NBEAL1: variants seen among roughly 807,000 people sequenced by gnomAD.
The protein encoded by NBEAL1 is neurobeachin-like protein 1.
In NBEAL1, 273 loss-of-function variants were observed where a neutral mutation model predicts 351.3. That is an observed-to-expected ratio of 0.78 (90% CI 0.70 to 0.86). The LOEUF (loss-of-function observed/expected upper bound fraction) is 0.86, where lower values mean the gene tolerates loss of function less well. Ranked by LOEUF, NBEAL1 falls within the 40% of genes least tolerant of loss-of-function variation. The probability of loss-of-function intolerance (pLI) is 0.00; values close to 1 mark genes in which losing one functional copy is unlikely to be tolerated. For missense variants in NBEAL1, 2,961 were observed against 3,201.3 expected (o/e 0.92, Z 1.81); for synonymous variants, 1,050 against 1,086.4 (o/e 0.97, Z 0.66).
At chr2:203,156,871 C>A (rs1359810895) in intron 35 of NBEAL1, among the ~76,000 whole-genome samples, 1 of 151,942 alleles carries the variant, frequency 6.6e-6, no homozygotes, top group Middle Eastern at 3.2e-3. Context: ...TTTTTCCAAT[C>A]CTATAAATTA....
At chr2:203,211,197 T>C (rs1186243576) in intron 54 of NBEAL1, 91 bp downstream of exon 54, 3 of 991,708 alleles carry the variant, frequency 3.0e-6, no homozygotes, top group Non-Finnish European at 4.1e-6. Context: ...ATTTTTAATC[T>C]TTTGGTTTAT....
In NBEAL1 at chr2:203,220,004, A is replaced by C. The variant is rs564333994; in HGVS notation, c.*2650A>C. The C allele has an allele frequency of 1.3e-5, 2 of 152,196 alleles. No homozygotes were observed. The highest frequency in any genetic ancestry group is 2.9e-5 in the Non-Finnish European group (2 of 68,036). 9.4% of individuals were successfully genotyped at this position (152,196 alleles called of 1,614,324 possible). On this transcript the variant is annotated 3_prime_UTR_variant, in exon 56 of 56. Coordinates refer to ENST00000683969, the MANE Select transcript of NBEAL1 (RefSeq NM_001378026.1). Reference sequence around the variant, plus strand: ...ATTACTCATTTAAAGAGTATAGCCTACTGAATTAAAAATCACTAGATAAAA... The same window carrying C: ...ATTACTCATTTAAAGAGTATAGCCTCCTGAATTAAAAATCACTAGATAAAA...
chr2:203,105,876 G>C (rs2062425786), intron 12 of NBEAL1, among the ~76,000 whole-genome samples: 1 of 152,162 alleles, frequency 6.6e-6, no homozygotes, highest in South Asian at 2.1e-4. Context: ...TGGTTCATGA[G>C]TTTAAAAAAT....
intron 10 of NBEAL1, among the ~76,000 whole-genome samples, chr2:203,087,198 T>C (rs1252383543): frequency 6.6e-6 from 1 of 150,492 alleles, no homozygotes; most frequent in African/African-American, 2.4e-5. Context: ...GTTCAAGCGA[T>C]TTTCCTGCCT....
At chr2:203,163,707 C>T (rs899843593) in intron 36 of NBEAL1, among the ~76,000 whole-genome samples, 1 of 152,130 alleles carries the variant, frequency 6.6e-6, no homozygotes, top group Non-Finnish European at 1.5e-5. Context: ...TCAGGAAACA[C>T]AACTGTATAT....
chr2:203,197,956 G>A (rs1342424138), intron 48 of NBEAL1, among the ~76,000 whole-genome samples: 2 of 149,798 alleles, frequency 1.3e-5, no homozygotes, highest in African/African-American at 4.9e-5. Context: ...AATAGTAGTA[G>A]TACTTTTTGA....
chr2:203,066,498 A>G (rs1215740163), intron 6 of NBEAL1, among the ~76,000 whole-genome samples: 1 of 152,026 alleles, frequency 6.6e-6, no homozygotes, highest in African/African-American at 2.4e-5. Context: ...CACAGTAACA[A>G]TCTGATCTCT....
intron 2 of NBEAL1, among the ~76,000 whole-genome samples, chr2:203,018,373 CT>C (rs2060714993): frequency 6.6e-6 from 1 of 151,902 alleles, no homozygotes; most frequent in Non-Finnish European, 1.5e-5. Flanking sequence ...CTTCTTAGAC[CT>C]CTTTGTGAGC....
intron 7 of NBEAL1, among the ~76,000 whole-genome samples, chr2:203,076,485 AC>A (rs57056929): frequency 0.87 from 119,733 of 138,056 alleles, 52,836 homozygotes; most frequent in Non-Finnish European, 0.93. Context: ...TCAAAAACAA[AC>A]AAACAAACAA....
chr2:203,071,408 G>C (rs2061679508), intron 7 of NBEAL1, among the ~76,000 whole-genome samples: 1 of 152,050 alleles, frequency 6.6e-6, no homozygotes, highest in African/African-American at 2.4e-5. Context: ...CTAGTTTTAT[G>C]ACCTCATTTA....
Position 203,099,653 on chromosome 2 carries a change from T to G in NBEAL1, c.1210T>G (p.Leu404Val). 2 of 1,551,940 alleles carry G rather than the reference T, an allele frequency of 1.3e-6. No individual in the cohort carries two copies. The highest frequency in any genetic ancestry group is 1.7e-6 in the Non-Finnish European group (2 of 1,146,820). Residue 404 changes from leucine (L) to valine (V), a missense_variant, in exon 12 of 56, where the codon TTG becomes GTG. Leu to Val is a conservative substitution (Grantham distance 32). Coordinates refer to ENST00000683969, the MANE Select transcript of NBEAL1 (RefSeq NM_001378026.1). Reference sequence around the variant, plus strand: ...GGTGTTTCAGGGACAATTGGATTGTTTGGCCATATCAACCATTCAGGCTTT... The same window carrying G: ...GGTGTTTCAGGGACAATTGGATTGTGTGGCCATATCAACCATTCAGGCTTT... Reference protein sequence around the residue: ...DQVFQGQLDCLAISTIQALTA... With the variant: ...DQVFQGQLDCVAISTIQALTA...
intron 10 of NBEAL1, among the ~76,000 whole-genome samples, chr2:203,086,420 A>G (rs919576573): frequency 6.6e-6 from 1 of 152,280 alleles, no homozygotes; most frequent in South Asian, 2.1e-4. Context: ...ATCATCTATA[A>G]TACCCAAATT....
chr2:203,128,496 T>C (rs1042561296), intron 24 of NBEAL1, among the ~76,000 whole-genome samples: 4 of 152,080 alleles, frequency 2.6e-5, no homozygotes, highest in Non-Finnish European at 4.4e-5. Flanking sequence ...ATTTAATATA[T>C]GGAAATGTTT....
At position 203,193,871 on chromosome 2, in the gene NBEAL1, T is replaced by A; in HGVS notation, c.6998T>A (p.Leu2333Gln). Residue 2333 changes from leucine to glutamine, a missense_variant, in exon 47 of 56, where the codon CTG becomes CAG. Coordinates refer to ENST00000683969, the MANE Select transcript of NBEAL1 (RefSeq NM_001378026.1). ...PTKIDTSTLN[L>Q]FQHLPELKSF... ...AAAATAGACACTTCAACCCTAAACCTGTTTCAACACCTTCCTGAACTCAAG... is the reference window on the plus strand; with the variant it reads ...AAAATAGACACTTCAACCCTAAACCAGTTTCAACACCTTCCTGAACTCAAG... 6.2e-7 allele frequency: 1 copy of A among 1,610,244 alleles called. No individual in the cohort carries two copies. The highest frequency in any genetic ancestry group is 8.5e-7 in the Non-Finnish European group (1 of 1,177,856).
rs563210086 is a variant in NBEAL1, at chr2:203,198,427, A to G, written c.7129-911A>G. Among the ~76,000 whole-genome samples, 7 of 152,248 alleles carry G rather than the reference A, an allele frequency of 4.6e-5. No homozygotes were observed. The South Asian group carries it at 1.4e-3, about 32-fold the overall frequency. On this transcript the variant is annotated intron_variant, in intron 48 of 55. Transcript: ENST00000683969. ...CAGACCTTAACAGTTCATTGCATTC[A>G]TTGTAAATTATCCTTCTGGTTTATG...
At chr2:203,033,931 G>A (rs2106024522) in intron 2 of NBEAL1, among the ~76,000 whole-genome samples, 1 of 152,038 alleles carries the variant, frequency 6.6e-6, no homozygotes, top group South Asian at 2.1e-4. Context: ...ACTTTTTTGA[G>A]CATTTGGGAC....
intron 35 of NBEAL1, among the ~76,000 whole-genome samples, chr2:203,156,430 T>G (rs920412040): frequency 2.0e-5 from 3 of 152,232 alleles, no homozygotes; most frequent in African/African-American, 7.2e-5. Flanking sequence ...GTTAACAGAA[T>G]AGTACCATAC....
At chr2:203,026,718 TTGGCC>T (rs2060864585) in intron 2 of NBEAL1, among the ~76,000 whole-genome samples, 3 of 152,210 alleles carry the variant, frequency 2.0e-5, no homozygotes, top group Non-Finnish European at 4.4e-5. Flanking sequence ...TTTCACCATG[TTGGCC>T]AGGATGGTCT....
At chr2:203,193,415 T>A (rs914347238) in intron 46 of NBEAL1, among the ~76,000 whole-genome samples, 2 of 152,172 alleles carry the variant, frequency 1.3e-5, no homozygotes, top group Non-Finnish European at 2.9e-5. Context: ...GAATAAGGCT[T>A]CTCTAGCTTT....
Sources: gnomAD v4.1 joint callset for allele counts (sites outside exome capture counted in the v4.1 genomes callset) on GRCh38, gnomAD v4.1.1 for gene constraint, MANE v1.5 for transcripts, NCBI Gene and HGNC (gene_info 2026-07-23, HGNC 2026-07-21) for gene names.